Variants in KLF15 observed in about 807,000 individuals in gnomAD.
The protein encoded by KLF15 is Krueppel-like factor 15.
Under a neutral mutation model 24.6 loss-of-function variants are expected in KLF15, and 4 were observed. The ratio of observed to expected loss-of-function variants is 0.16; its 90% confidence interval spans 0.08 to 0.37. KLF15 has a LOEUF of 0.37. Among genes scored for constraint, KLF15 ranks in the 10% least tolerant of loss-of-function variants. The pLI is 1.00. For synonymous variants in KLF15, 246 were observed against 236.3 expected, an observed-to-expected ratio of 1.04 and a Z score of -0.37; for missense variants, 496 against 560.6, an observed-to-expected ratio of 0.88 and a Z score of 1.16.
chr3:126,337,612 G>A, the KLF15 span, among the ~76,000 whole-genome samples: 40,834 of 151,770 alleles, frequency 0.27, 5,872 homozygotes, highest in Non-Finnish European at 0.33. Context: ...TGCTGTATTC[G>A]TTGAGAAGAA....
At chr3:126,299,915 C>T in the KLF15 span, among the ~76,000 whole-genome samples, 1 of 152,092 alleles carries the variant, frequency 6.6e-6, no homozygotes, top group East Asian at 1.9e-4. Flanking sequence ...GGCTCCGTGA[C>T]TGAGAGACGA....
chr3:126,342,174 A>G (rs537436816), downstream of KLF15, among the ~76,000 whole-genome samples: 1 of 152,268 alleles, frequency 6.6e-6, no homozygotes, highest in East Asian at 1.9e-4. Flanking sequence ...CACTTTCACA[A>G]TTACCCACGC....
At chr3:126,306,750 A>G in the KLF15 span, among the ~76,000 whole-genome samples, 1 of 152,238 alleles carries the variant, frequency 6.6e-6, no homozygotes, top group African/African-American at 2.4e-5. Flanking sequence ...GGTTGTCTGC[A>G]CTGCAGAATG....
chr3:126,350,070 C>T (rs894039304), intron 2 of KLF15, among the ~76,000 whole-genome samples: 1 of 152,328 alleles, frequency 6.6e-6, no homozygotes, highest in Non-Finnish European at 1.5e-5. Context: ...GGGGACCACC[C>T]CAAAGGCACA....
At chr3:126,300,213 T>G in the KLF15 span, among the ~76,000 whole-genome samples, 3 of 151,984 alleles carry the variant, frequency 2.0e-5, no homozygotes, top group African/African-American at 7.2e-5. Flanking sequence ...GTTTCAGGAG[T>G]AATTGCTGTG....
chr3:126,305,650 G>A, the KLF15 span, among the ~76,000 whole-genome samples: 3 of 152,214 alleles, frequency 2.0e-5, no homozygotes, highest in South Asian at 4.1e-4. Flanking sequence ...GACTGGGAAA[G>A]GAATGAGCTG....
rs2107556778 is a variant in KLF15 at position 126,351,926 on chromosome 3, T to A, written c.997A>T (p.Thr333Ser). 1.2e-6 allele frequency: 2 copies of A among 1,613,964 alleles called. No individual in the cohort carries two copies. Among genetic ancestry groups the A allele is most frequent in the Non-Finnish European group, 1.7e-6 (2 of 1,179,940 alleles). Residue 333 changes from threonine to serine, a missense_variant, in exon 2 of 3, where the codon ACC (threonine) becomes TCC (serine). Physicochemically the swap from Thr to Ser is moderately conservative, Grantham distance 58. Coordinates refer to ENST00000296233, the MANE Select transcript of KLF15 (RefSeq NM_014079.4). ...CTFPGCSKMYTKSSHLKAHLR... is the reference protein window; with the variant it reads ...CTFPGCSKMYSKSSHLKAHLR... Reference sequence around the variant, plus strand: ...TGGGCCTTGAGGTGGCTGCTTTTGGTGTACATCTTGCTGCAGCCAGGGAAA... The same window carrying A: ...TGGGCCTTGAGGTGGCTGCTTTTGGAGTACATCTTGCTGCAGCCAGGGAAA...
the KLF15 span, among the ~76,000 whole-genome samples, chr3:126,314,543 A>G: frequency 6.6e-6 from 1 of 152,082 alleles, no homozygotes; most frequent in African/African-American, 2.4e-5. Context: ...CTCCCATCCA[A>G]CCAGTAGCTC....
the KLF15 span, among the ~76,000 whole-genome samples, chr3:126,309,714 G>A: frequency 2.0e-5 from 3 of 152,202 alleles, no homozygotes; most frequent in Non-Finnish European, 4.4e-5. Flanking sequence ...CTGGTTCTGG[G>A]ACTAGGCAGA....
At chr3:126,297,912 G>A in the KLF15 span, among the ~76,000 whole-genome samples, 35 of 152,138 alleles carry the variant, frequency 2.3e-4, no homozygotes, top group Non-Finnish European at 4.0e-4. Flanking sequence ...ATAAACATGC[G>A]TGTGCAAGTG....
chr3:126,304,014 TTGTC>T, the KLF15 span, among the ~76,000 whole-genome samples: 2 of 152,212 alleles, frequency 1.3e-5, no homozygotes, highest in Admixed American at 6.5e-5. Flanking sequence ...TTTAATGCCT[TTGTC>T]TGATAATTCT....
chr3:126,343,439 C>A lies in KLF15; in HGVS notation c.*288G>T. 2.6e-6 allele frequency: 1 copy of A among 380,182 alleles called. No homozygotes were observed. The highest frequency in any genetic ancestry group is 4.7e-6 in the Non-Finnish European group (1 of 212,976). 23.6% of individuals were successfully genotyped at this position (380,182 alleles called of 1,614,324 possible). A position where few individuals can be genotyped will look rare whatever the true frequency, so the allele number is the denominator to read the frequency against. ...AAACTCTGCCTGCAACCAGCGGCTGCAGCAGAGGCCTGGCCACCGCGGGAA... is the reference window on the plus strand; with the variant it reads ...AAACTCTGCCTGCAACCAGCGGCTGAAGCAGAGGCCTGGCCACCGCGGGAA... On this transcript the variant is annotated 3_prime_UTR_variant, in exon 3 of 3. Coordinates refer to ENST00000296233, the MANE Select transcript of KLF15 (RefSeq NM_014079.4).
chr3:126,293,089 C>T, the KLF15 span, among the ~76,000 whole-genome samples: 64 of 148,182 alleles, frequency 4.3e-4, no homozygotes, highest in African/African-American at 1.6e-3. Flanking sequence ...GTGAGAGGAT[C>T]GCTTAAGCCC....
At chr3:126,289,278 C>A in the KLF15 span, among the ~76,000 whole-genome samples, 1 of 152,166 alleles carries the variant, frequency 6.6e-6, no homozygotes, top group African/African-American at 2.4e-5. Context: ...AAGGCTTTTA[C>A]TAAGCAGCAA....
chr3:126,326,619 C>T, the KLF15 span, among the ~76,000 whole-genome samples: 11 of 152,172 alleles, frequency 7.2e-5, no homozygotes, highest in Non-Finnish European at 1.3e-4. Flanking sequence ...AAAGACAGAT[C>T]GCACACCCTG....
downstream of KLF15, among the ~76,000 whole-genome samples, chr3:126,339,667 C>A (rs1191422053): frequency 6.6e-6 from 1 of 152,196 alleles, no homozygotes; most frequent in Non-Finnish European, 1.5e-5. Flanking sequence ...TCATTCCTCA[C>A]AGGTTCCCCT....
chr3:126,316,692 C>T, the KLF15 span, among the ~76,000 whole-genome samples: 1 of 129,412 alleles, frequency 7.7e-6, no homozygotes, highest in Admixed American at 7.6e-5. Context: ...TGGGAGTCCA[C>T]AGGCCGGAGT....
chr3:126,312,573 C>T, the KLF15 span, among the ~76,000 whole-genome samples: 11 of 152,208 alleles, frequency 7.2e-5, no homozygotes, highest in Admixed American at 7.2e-4. Context: ...CGCCTGGCAC[C>T]CAGCAATGCG....
At chr3:126,345,474 C>T (rs560606424) in intron 2 of KLF15, among the ~76,000 whole-genome samples, 31 of 152,182 alleles carry the variant, frequency 2.0e-4, no homozygotes, top group East Asian at 7.7e-4. Context: ...AAAGCATGCA[C>T]GCACACACAC....
Sources: allele counts gnomAD v4.1 joint callset (sites outside exome capture counted in the v4.1 genomes callset), GRCh38; gene constraint gnomAD v4.1.1; transcripts MANE v1.5; gene names NCBI Gene and HGNC (gene_info 2026-07-23, HGNC 2026-07-21).